Variants in ANK2 observed in about 807,000 individuals in gnomAD.
The protein encoded by ANK2 is ankyrin 2.
ANK2 carries 83 observed loss-of-function variants against 360.5 expected under a neutral mutation model. The ratio of observed to expected loss-of-function variants is 0.23; its 90% CI spans 0.19 to 0.28. The LOEUF is 0.28. Ranked by LOEUF, ANK2 falls within the 10% of genes least tolerant of loss-of-function variation. The pLI is 1.00. For missense variants in ANK2, 4,201 were observed against 4,795.7 expected (o/e 0.88, Z 3.66); for synonymous variants, 1,740 against 1,759.5 (o/e 0.99, Z 0.28).
chr4:113,258,850 AACC>A (rs2050988902), intron 13 of ANK2, among the ~76,000 whole-genome samples: 2 of 152,244 alleles, frequency 1.3e-5, no homozygotes, highest in African/African-American at 4.8e-5. Flanking sequence ...ACAAAAGATT[AACC>A]AGAGATAGAT....
At chr4:113,124,037 T>C (rs1471724487) in intron 1 of ANK2, among the ~76,000 whole-genome samples, 1 of 152,186 alleles carries the variant, frequency 6.6e-6, no homozygotes, top group Non-Finnish European at 1.5e-5. Flanking sequence ...TGACTAACTT[T>C]GCCCTAATGG....
chr4:113,198,996 GT>G lies in ANK2; in HGVS notation c.286-12del. 6.2e-7 allele frequency: 1 copy of G among 1,600,198 alleles called. No individual in the cohort carries two copies. The highest frequency in any genetic ancestry group is 1.7e-5 in the Admixed American group (1 of 59,956). On this transcript the variant is annotated splice_polypyrimidine_tract_variant and intron_variant, in intron 3 of 45. Transcript: ENST00000357077. The stretch of plus-strand genomic sequence containing the variant: ...AGAAACCTTGAACATTTTCTATTTT[GT>G]TTCTCCAAAACAGAAGGGAAATACC...
At chr4:112,895,343 C>T (rs1414601169) in intron 1 of ANK2, among the ~76,000 whole-genome samples, 1 of 152,156 alleles carries the variant, frequency 6.6e-6, no homozygotes, top group Non-Finnish European at 1.5e-5. Flanking sequence ...TTTTAATCGT[C>T]CCTTTCATAG....
chr4:113,267,188 C>T (rs1297486686), intron 14 of ANK2, among the ~76,000 whole-genome samples: 1 of 152,110 alleles, frequency 6.6e-6, no homozygotes, highest in African/African-American at 2.4e-5. Flanking sequence ...ATTTTTCTCC[C>T]ATTCTTTGGG....
At chr4:113,182,388 G>A (rs2079119) in intron 2 of ANK2, among the ~76,000 whole-genome samples, 53,806 of 152,014 alleles carry the variant, frequency 0.35, 9,973 homozygotes, top group African/African-American at 0.46. Context: ...GGCCTGAAGT[G>A]TACATTTTGG....
Position 113,355,635 on chromosome 4 carries a change from A to G in ANK2, c.7017A>G (p.Thr2339=), listed in dbSNP as rs775404243. The G allele has an allele frequency of 6.2e-7, 1 of 1,614,054 alleles. No individual in the cohort carries two copies. Among genetic ancestry groups the G allele is most frequent in the Admixed American group, 1.7e-5 (1 of 60,018 alleles). The change falls in exon 38 of 46, where the codon ACA becomes ACG. Residue 2339 remains threonine (T), a synonymous_variant. Transcript: ENST00000357077. ...GSCSVALAKE[T]PTGLTEEAAC... Reference sequence around the variant, plus strand: ...GTAGTGTAGCATTAGCTAAAGAGACACCTACAGGACTGACTGAGGAGGCAG... The same window carrying G: ...GTAGTGTAGCATTAGCTAAAGAGACGCCTACAGGACTGACTGAGGAGGCAG...
chr4:112,965,359 T>G (rs1582102929), intron 2 of ANK2, among the ~76,000 whole-genome samples: 1 of 152,354 alleles, frequency 6.6e-6, no homozygotes, highest in Middle Eastern at 3.4e-3. Flanking sequence ...ATTAGATTTT[T>G]TTTTCCTATA....
intron 1 of ANK2, among the ~76,000 whole-genome samples, chr4:113,079,031 G>A (rs1424351040): frequency 6.6e-6 from 1 of 152,076 alleles, no homozygotes; most frequent in Admixed American, 6.6e-5. Context: ...ACCCAGAGAC[G>A]TTGACTTGCT....
At chr4:113,168,388 A>G (rs1473327095) in intron 1 of ANK2, among the ~76,000 whole-genome samples, 1 of 152,222 alleles carries the variant, frequency 6.6e-6, no homozygotes, top group South Asian at 2.1e-4. Context: ...TCTTCCCCTA[A>G]CTAAAGCATT....
intron 11 of ANK2, 92 bp from the exon 12 acceptor site, chr4:113,257,958 G>A (rs1013756270): frequency 1.6e-5 from 19 of 1,164,720 alleles, no homozygotes; most frequent in Non-Finnish European, 2.2e-5. Context: ...ATTATGTGAC[G>A]ATGTAACATT....
chr4:113,331,266 G>A (rs1474690474), intron 27 of ANK2, among the ~76,000 whole-genome samples: 2 of 152,074 alleles, frequency 1.3e-5, no homozygotes, highest in East Asian at 3.9e-4. Flanking sequence ...CCTAATAATC[G>A]TGAACTCTTT....
At chr4:112,752,248 C>T in the ANK2 span, among the ~76,000 whole-genome samples, 1 of 152,246 alleles carries the variant, frequency 6.6e-6, no homozygotes, top group Admixed American at 6.5e-5. Flanking sequence ...CATAAACCCT[C>T]CTTGAGAGAT....
intron 1 of ANK2, among the ~76,000 whole-genome samples, chr4:113,171,044 A>G (rs1205854920): frequency 6.6e-6 from 1 of 152,186 alleles, no homozygotes; most frequent in Non-Finnish European, 1.5e-5. Flanking sequence ...CTTCCAAAGA[A>G]GTTGCTTTTG....
At chr4:112,902,377 T>C (rs1426452814) in intron 1 of ANK2, among the ~76,000 whole-genome samples, 2 of 152,252 alleles carry the variant, frequency 1.3e-5, no homozygotes, top group African/African-American at 2.4e-5. Context: ...TTCCACATTG[T>C]TGTGTGAGAT....
intron 41 of ANK2, among the ~76,000 whole-genome samples, chr4:113,365,581 T>C (rs2096491040): frequency 6.6e-6 from 1 of 152,034 alleles, no homozygotes; most frequent in Non-Finnish European, 1.5e-5. Flanking sequence ...CTTCATACCC[T>C]CGGGGACCTC....
intron 2 of ANK2, among the ~76,000 whole-genome samples, chr4:113,001,558 A>C (rs2050692437): frequency 6.6e-6 from 1 of 152,098 alleles, no homozygotes; most frequent in Non-Finnish European, 1.5e-5. Context: ...CCATATTTTA[A>C]TTAAGTGAAA....
chr4:113,103,537 C>A (rs1366173373), intron 1 of ANK2, among the ~76,000 whole-genome samples: 2 of 152,208 alleles, frequency 1.3e-5, no homozygotes, highest in African/African-American at 4.8e-5. Flanking sequence ...AAAAGACACT[C>A]CAGTATATAT....
Position 112,970,513 on chromosome 4 carries a change from C to G in ANK2, c.21+65999C>G, listed in dbSNP as rs1191425471. Among the ~76,000 whole-genome samples the G allele has an allele frequency of 3.9e-5, 6 of 152,222 alleles. No individual in the cohort carries two copies. The East Asian group carries it at 1.2e-3, about 29-fold the overall frequency. On this transcript the variant is annotated intron_variant, in intron 2 of 30. Coordinates refer to the ANK2 transcript ENST00000503271. ...GGGATTACAGGTGTGCACCACCATG[C>G]CCAGCTAATTTTTGTATTTTTTAGT...
intron 2 of ANK2, among the ~76,000 whole-genome samples, chr4:113,016,265 T>C (rs2056582670): frequency 6.6e-6 from 1 of 152,168 alleles, no homozygotes; most frequent in Non-Finnish European, 1.5e-5. Context: ...TGAAAAGGCC[T>C]TAGAGAGGTA....
Sources: allele counts gnomAD v4.1 joint callset (sites outside exome capture counted in the v4.1 genomes callset), GRCh38; gene constraint gnomAD v4.1.1; transcripts MANE v1.5; gene names NCBI Gene and HGNC (gene_info 2026-07-23, HGNC 2026-07-21).